RAPGEF1: variants seen among roughly 807,000 people sequenced by gnomAD.
RAPGEF1 encodes CRK SH3-binding GNRP.
In RAPGEF1, 33 loss-of-function variants were observed where a neutral mutation model predicts 143.3. The ratio of observed to expected loss-of-function variants is 0.23; its 90% CI spans 0.17 to 0.31. The LOEUF (loss-of-function observed/expected upper bound fraction) is 0.31, where lower values mean the gene tolerates loss of function less well. Among genes scored for constraint, RAPGEF1 ranks in the 10% least tolerant of loss-of-function variants. The probability of loss-of-function intolerance (pLI) is 1.00; values close to 1 mark genes in which losing one functional copy is unlikely to be tolerated. For synonymous variants in RAPGEF1, 629 were observed against 676.5 expected (o/e 0.93, Z 1.09); for missense variants, 1,199 against 1,645.4 (o/e 0.73, Z 4.69).
intron 12 of RAPGEF1, among the ~76,000 whole-genome samples, chr9:131,612,179 A>G (rs1958116696): frequency 6.6e-6 from 1 of 152,204 alleles, no homozygotes. Flanking sequence ...CCAGCCTTCC[A>G]AGAAGGTTTG....
At chr9:131,590,201 C>T (rs1953967740) in intron 18 of RAPGEF1, among the ~76,000 whole-genome samples, 1 of 152,180 alleles carries the variant, frequency 6.6e-6, no homozygotes. Flanking sequence ...CGGCTGCTGC[C>T]CTCTCCTCCC....
intron 1 of RAPGEF1, among the ~76,000 whole-genome samples, chr9:131,720,892 A>T (rs1836215635): frequency 6.6e-6 from 1 of 152,214 alleles, no homozygotes; most frequent in South Asian, 2.1e-4. Context: ...AAATACTAAT[A>T]TCCCTTTTAT....
At chr9:131,711,052 CTT>C (rs1197255514) in intron 1 of RAPGEF1, among the ~76,000 whole-genome samples, 34 of 143,528 alleles carry the variant, frequency 2.4e-4, no homozygotes, top group Admixed American at 3.5e-4. Flanking sequence ...GAATATTTAA[CTT>C]TTTTTTTTTT....
chr9:131,588,058 G>A (rs1184150433), intron 20 of RAPGEF1, 32 bp from the exon 21 acceptor site: 3 of 1,574,408 alleles, frequency 1.9e-6, no homozygotes, highest in African/African-American at 1.4e-5. Flanking sequence ...AGAGCCGTCA[G>A]GGGTGGGGAG....
At chr9:131,737,601 T>C in intron 1 of RAPGEF1, 1 of 1,484,658 alleles carries the variant, frequency 6.7e-7, no homozygotes, top group Non-Finnish European at 9.0e-7. Context: ...AGCAGAGAAC[T>C]CAAATGAAGA....
chr9:131,716,495 A>T (rs1276153363), intron 1 of RAPGEF1, among the ~76,000 whole-genome samples: 1 of 152,206 alleles, frequency 6.6e-6, no homozygotes, highest in South Asian at 2.1e-4. Flanking sequence ...GCCAGGCACT[A>T]TGGCTCATGC....
At chr9:131,607,591 G>A (rs2132563008) in intron 12 of RAPGEF1, among the ~76,000 whole-genome samples, 1 of 152,236 alleles carries the variant, frequency 6.6e-6, no homozygotes, top group East Asian at 1.9e-4. Context: ...TGGGGGGGCT[G>A]CCTTCAGGGA....
chr9:131,728,615 T>C (rs1836824384), intron 1 of RAPGEF1, among the ~76,000 whole-genome samples: 1 of 152,164 alleles, frequency 6.6e-6, no homozygotes, highest in Non-Finnish European at 1.5e-5. Context: ...ATTACTTAAT[T>C]GTAAAAACCT....
intron 1 of RAPGEF1, among the ~76,000 whole-genome samples, chr9:131,711,676 T>C (rs1239038268): frequency 6.6e-6 from 1 of 152,208 alleles, no homozygotes; most frequent in East Asian, 1.9e-4. Flanking sequence ...CTTTTATAAT[T>C]GTAGACGGAA....
chr9:131,685,664 C>A (rs1244096074), intron 1 of RAPGEF1, among the ~76,000 whole-genome samples: 2 of 152,174 alleles, frequency 1.3e-5, no homozygotes, highest in Non-Finnish European at 2.9e-5. Context: ...TTAATAAACA[C>A]GTGGGTAAAT....
intron 1 of RAPGEF1, among the ~76,000 whole-genome samples, chr9:131,720,419 C>G (rs12684414): frequency 0.21 from 32,077 of 152,094 alleles, 4,136 homozygotes; most frequent in Non-Finnish European, 0.29. Context: ...AGATACCCCC[C>G]ACCTCTACCA....
intron 1 of RAPGEF1, among the ~76,000 whole-genome samples, chr9:131,730,193 C>CAAAAAAAAAAAAAA: frequency 1.5e-5 from 1 of 67,000 alleles, no homozygotes; most frequent in Non-Finnish European, 2.6e-5. Context: ...GACTCCCTCT[C>CAAAAAAAAAAAAAA]AAAAAAAAAA....
At position 131,655,789 on chromosome 9, in the gene RAPGEF1, G is replaced by C. The variant is rs534966395; in HGVS notation, c.62-4840C>G. Among the ~76,000 whole-genome samples the C allele has an allele frequency of 6.6e-6, 1 of 152,100 alleles. No homozygotes were observed. Among genetic ancestry groups the C allele is most frequent in the African/African-American group, 2.4e-5 (1 of 41,408 alleles). On this transcript the variant is annotated intron_variant, in intron 1 of 26. Transcript: ENST00000683357. The surrounding 1 kb of genome is among the most constrained non-coding windows in gnomAD (Gnocchi z 4.1). ...TTTTTAGTAGAGACGGGGTGTCACC[G>C]TGTTAGCCAGGATGGTCTCGATCTC...
intron 1 of RAPGEF1, among the ~76,000 whole-genome samples, chr9:131,726,580 G>A (rs189329335): frequency 5.7e-5 from 7 of 122,960 alleles, no homozygotes; most frequent in Non-Finnish European, 1.2e-4. Flanking sequence ...GAGCTGAGAC[G>A]GCACTGCTGC....
At chr9:131,704,885 CAA>C (rs981445259) in intron 1 of RAPGEF1, among the ~76,000 whole-genome samples, 80 of 152,250 alleles carry the variant, frequency 5.3e-4, no homozygotes, top group African/African-American at 1.9e-3. Context: ...CTCTAAATTT[CAA>C]AGTTTCCTCC....
intron 10 of RAPGEF1, among the ~76,000 whole-genome samples, chr9:131,622,784 T>TG (rs1554825785): frequency 0.018 from 2,782 of 150,592 alleles, 91 homozygotes; most frequent in African/African-American, 0.065. Context: ...TTTTTTTTTT[T>TG]GAGACAGAGT....
At chr9:131,596,629 C>G (rs931107051) in intron 16 of RAPGEF1, among the ~76,000 whole-genome samples, 1 of 152,170 alleles carries the variant, frequency 6.6e-6, no homozygotes, top group Non-Finnish European at 1.5e-5. Flanking sequence ...TGCCCCGGCA[C>G]CAAGGCACCA....
Position 131,712,104 on chromosome 9 carries a change from G to A in RAPGEF1, c.61+27666C>T, listed in dbSNP as rs567074088. Among the ~76,000 whole-genome samples the A allele has an allele frequency of 5.9e-5, 9 of 152,242 alleles. No individual in the cohort carries two copies. In the South Asian group the frequency reaches 1.2e-3, roughly 21 times the overall value. ...GCAAATGGCATGTGTCTGTCGCACCGTCTCCAATGAGGTGGCAGGAAAGAG... is the reference window on the plus strand; with the variant it reads ...GCAAATGGCATGTGTCTGTCGCACCATCTCCAATGAGGTGGCAGGAAAGAG... On this transcript the variant is annotated intron_variant, in intron 1 of 26. Transcript: ENST00000683357.
In RAPGEF1 at chr9:131,739,982, G is replaced by A. The variant is rs1837647309; in HGVS notation, c.-152C>T. The A allele has an allele frequency of 4.1e-6, 1 of 246,012 alleles. No individual in the cohort carries two copies. Among genetic ancestry groups the A allele is most frequent in the Non-Finnish European group, 6.3e-6 (1 of 157,944 alleles). 15.2% of individuals were successfully genotyped at this position (246,012 alleles called of 1,614,324 possible). A position where few individuals can be genotyped will look rare whatever the true frequency, so the allele number is the denominator to read the frequency against. ...GGCGACCGCGCTCCAGCCCGCCCGG[G>A]CCCAGCCGCTCCCGCCGCGCCCGCC... On this transcript the variant is annotated 5_prime_UTR_variant, in exon 1 of 27. Coordinates refer to ENST00000683357, the MANE Select transcript of RAPGEF1 (RefSeq NM_001377935.1).
Sources: allele counts gnomAD v4.1 joint callset (sites outside exome capture counted in the v4.1 genomes callset), GRCh38; gene constraint gnomAD v4.1.1; non-coding constraint Gnocchi (gnomAD v3.1); transcripts MANE v1.5; gene names NCBI Gene and HGNC (gene_info 2026-07-23, HGNC 2026-07-21).